Variants in ADNP observed in about 807,000 individuals in gnomAD.
ADNP encodes the protein activity dependent neuroprotector homeobox, also known as activity-dependent neuroprotector homeobox protein.
A neutral mutation model predicts 84.9 loss-of-function variants in ADNP; 4 were observed. That is an observed-to-expected ratio of 0.05 (90% CI 0.02 to 0.11). ADNP has a LOEUF of 0.11. ADNP is among the 10% of genes least tolerant of loss of function. The pLI is 1.00. For synonymous variants in ADNP, 554 were observed against 468.1 expected (o/e 1.18, Z -2.37); for missense variants, 1,132 against 1,326.0 (o/e 0.85, Z 2.27).
chr20:50,896,281 T>C (rs1320786329), intron 5 of ADNP, among the ~76,000 whole-genome samples: 1 of 151,922 alleles, frequency 6.6e-6, no homozygotes, highest in Admixed American at 6.6e-5. Flanking sequence ...AAAAATATTT[T>C]CTATCTTCAT....
Position 50,889,883 on chromosome 20 carries a change from A to G in ADNP, c.*1522T>C, listed in dbSNP as rs927876364. 6 of 398,472 alleles carry G rather than the reference A, an allele frequency of 1.5e-5. No individual in the cohort carries two copies. The highest frequency in any genetic ancestry group is 1.2e-4 in the African/African-American group (6 of 48,620). 24.7% of individuals were successfully genotyped at this position (398,472 alleles called of 1,614,324 possible). Reference sequence around the variant, plus strand: ...TTCCCTTAATAGCAAGAGGGCCAAGAGTGGCAAATAGAGGCAGAGCCGCCT... The same window carrying G: ...TTCCCTTAATAGCAAGAGGGCCAAGGGTGGCAAATAGAGGCAGAGCCGCCT... On this transcript the variant is annotated 3_prime_UTR_variant, in exon 6 of 6. Coordinates refer to ENST00000621696, the MANE Select transcript of ADNP (RefSeq NM_001282531.3).
rs1217269598 is a variant in ADNP at position 50,930,602 on chromosome 20, G to A, written c.-265+224C>T. On this transcript the variant is annotated intron_variant, in intron 1 of 5. Transcript: ENST00000621696. ...AGAAGGGGGTCGGGCTGCAGGAGGA[G>A]GCGCCTGGACCTCCGGAGCAGAGTC... 3.9e-5 allele frequency among the ~76,000 whole-genome samples: 6 copies of A among 152,264 alleles called. No homozygotes were observed. The East Asian group carries it at 7.7e-4, about 20-fold the overall frequency.
At chr20:50,924,325 C>T (rs747733976) in intron 2 of ADNP, among the ~76,000 whole-genome samples, 4 of 152,232 alleles carry the variant, frequency 2.6e-5, no homozygotes, top group Non-Finnish European at 5.9e-5. Flanking sequence ...ACTCTCCCTG[C>T]TGGGGGTGTG....
At chr20:50,916,076 T>G (rs1568737530) in intron 2 of ADNP, among the ~76,000 whole-genome samples, 1 of 152,226 alleles carries the variant, frequency 6.6e-6, no homozygotes, top group Non-Finnish European at 1.5e-5. Context: ...CTGATTTTCT[T>G]CAAGTTTTTA....
At chr20:50,921,094 G>A (rs985211881) in intron 2 of ADNP, among the ~76,000 whole-genome samples, 1 of 152,172 alleles carries the variant, frequency 6.6e-6, no homozygotes, top group Non-Finnish European at 1.5e-5. Context: ...AGGATTAAAT[G>A]AGATGATGCA....
rs1351581725 is a variant in ADNP at position 50,893,406 on chromosome 20, G to C, written c.1308C>G (p.Pro436=). ...TTTGAGTTGAGGAAGTGTTACCTGG[G>C]GGAGGGCCTGTGGCAGCTGCAGCAG... is the stretch of plus-strand genomic sequence containing the variant. The part of the protein sequence containing the change: ...SKPAAAATGP[P]PGNTSSTQKW... The change falls in exon 6 of 6, where the codon CCC becomes CCG. Residue 436 remains proline (P), a synonymous_variant. Transcript: ENST00000621696. The surrounding 1 kb of genome is among the most constrained non-coding windows in gnomAD (Gnocchi z 4.4). The C allele has an allele frequency of 6.2e-7, 1 of 1,614,160 alleles. No individual in the cohort carries two copies. Among genetic ancestry groups the C allele is most frequent in the Admixed American group, 1.7e-5 (1 of 60,020 alleles).
intron 2 of ADNP, among the ~76,000 whole-genome samples, chr20:50,911,820 T>C (rs1023679549): frequency 6.6e-6 from 1 of 151,926 alleles, no homozygotes; most frequent in African/African-American, 2.4e-5. Flanking sequence ...CAGCTACCTC[T>C]GAACAGGCAC....
intron 2 of ADNP, chr20:50,905,552 T>A (rs1402325979): frequency 1.3e-5 from 2 of 151,750 alleles, no homozygotes; most frequent in Non-Finnish European, 2.9e-5. Context: ...AATCAAAGAG[T>A]AACCCCTAGA....
chr20:50,891,920 C>G lies in ADNP; in HGVS notation c.2794G>C (p.Asp932His). 1 of 1,614,194 alleles carries G rather than the reference C, an allele frequency of 6.2e-7. No individual in the cohort carries two copies. The highest frequency in any genetic ancestry group is 8.5e-7 in the Non-Finnish European group (1 of 1,180,046). Residue 932 changes from aspartate (D) to histidine (H), a missense_variant, in exon 6 of 6, where the codon GAT becomes CAT. Asp to His is a moderately conservative substitution (Grantham distance 81, BLOSUM62 -1). This residue lies in a region of ADNP where 381 missense variants were observed against 319.9 expected (regional missense o/e 1.19). Coordinates refer to ENST00000621696, the MANE Select transcript of ADNP (RefSeq NM_001282531.3). ...ESEEKLDQKE[D>H]GSKYETIHLT... The stretch of plus-strand genomic sequence containing the variant: ...TGAATAGTTTCGTATTTTGAACCAT[C>G]CTCTTTTTGGTCTAGCTTCTCCTCA...
At position 50,891,518 on chromosome 20, in the gene ADNP, T is replaced by C; in HGVS notation, c.3196A>G (p.Asn1066Asp). Residue 1066 changes from asparagine to aspartate, a missense_variant, in exon 6 of 6, where the codon AAT (asparagine) becomes GAT (aspartate). Physicochemically the swap from Asn to Asp is conservative, Grantham distance 23 (BLOSUM62 1). Coordinates refer to ENST00000621696, the MANE Select transcript of ADNP (RefSeq NM_001282531.3). ...CCATCCTCACTGTCAATTGTGCTATTCTGCCACTCAATCTGGGGGTTAGAT... is the reference window on the plus strand; with the variant it reads ...CCATCCTCACTGTCAATTGTGCTATCCTGCCACTCAATCTGGGGGTTAGAT... Reference protein sequence around the residue: ...RLSNPQIEWQNSTIDSEDGEQ... With the variant: ...RLSNPQIEWQDSTIDSEDGEQ... The C allele has an allele frequency of 6.2e-7, 1 of 1,612,250 alleles. No individual in the cohort carries two copies. The highest frequency in any genetic ancestry group is 8.5e-7 in the Non-Finnish European group (1 of 1,180,024).
At chr20:50,912,740 TA>T (rs1268350386) in intron 2 of ADNP, among the ~76,000 whole-genome samples, 6 of 152,184 alleles carry the variant, frequency 3.9e-5, no homozygotes, top group Non-Finnish European at 8.8e-5. Context: ...CTTCACCAAT[TA>T]TTATTAGTCT....
chr20:50,918,879 G>A (rs1300261885), intron 2 of ADNP, among the ~76,000 whole-genome samples: 2 of 152,184 alleles, frequency 1.3e-5, no homozygotes, highest in Non-Finnish European at 2.9e-5. Context: ...TCATGCTGGT[G>A]TAGTTCATTT....
intron 2 of ADNP, among the ~76,000 whole-genome samples, chr20:50,925,452 G>C (rs1008954124): frequency 5.9e-5 from 9 of 152,190 alleles, no homozygotes; most frequent in African/African-American, 2.2e-4. Flanking sequence ...GGTGTAGGGA[G>C]TACTAAGACA....
chr20:50,924,455 C>CAAG (rs1421122898), intron 2 of ADNP, among the ~76,000 whole-genome samples: 2 of 152,178 alleles, frequency 1.3e-5, no homozygotes, highest in African/African-American at 4.8e-5. Context: ...AAACAGCTTA[C>CAAG]AAGAGCACCA....
chr20:50,906,676 C>T (rs567916143), intron 2 of ADNP, among the ~76,000 whole-genome samples: 25 of 152,246 alleles, frequency 1.6e-4, no homozygotes, highest in Admixed American at 1.0e-3. Flanking sequence ...CTTAAAAAGT[C>T]GGTTTAAGAC....
intron 5 of ADNP, among the ~76,000 whole-genome samples, chr20:50,900,327 G>C (rs1305622422): frequency 6.6e-6 from 1 of 152,158 alleles, no homozygotes; most frequent in East Asian, 1.9e-4. Flanking sequence ...ATATAGCGTA[G>C]GGGTAATAGG....
chr20:50,891,691 C>T lies in ADNP; in HGVS notation c.3023G>A (p.Ser1008Asn), dbSNP rs1308553457. The change falls in exon 6 of 6, where the codon AGC becomes AAC. Residue 1008 changes from serine to asparagine, a missense_variant. Ser to Asn is a conservative substitution (Grantham distance 46, BLOSUM62 1). Around this residue, in one of 10 missense-constraint regions of ADNP, gnomAD observed 381 missense variants for 319.9 expected, o/e 1.19. Coordinates refer to ENST00000621696, the MANE Select transcript of ADNP (RefSeq NM_001282531.3). ...DESSQSEDAR[S>N]SKPAAKKKAT... ...CTTTTTTTTGGCAGCTGGCTTACTG[C>T]TCCTTGCATCTTCGCTTTGGGAAGA... The T allele has an allele frequency of 6.2e-7, 1 of 1,614,214 alleles. No individual in the cohort carries two copies. The highest frequency in any genetic ancestry group is 1.3e-5 in the African/African-American group (1 of 75,064).
chr20:50,901,950 G>A (rs1246460705), intron 5 of ADNP, 67 bp downstream of exon 5: 9 of 1,178,136 alleles, frequency 7.6e-6, no homozygotes, highest in Non-Finnish European at 1.1e-5. Context: ...CGCTATAAAA[G>A]GCCTAGAGCT....
At position 50,893,717 on chromosome 20, in the gene ADNP, C is replaced by T. The variant is rs751126097; in HGVS notation, c.997G>A (p.Gly333Arg). Residue 333 changes from glycine to arginine, a missense_variant, in exon 6 of 6, where the codon GGA becomes AGA. Transcript: ENST00000621696. The surrounding 1 kb of genome is among the most constrained non-coding windows in gnomAD (Gnocchi z 4.4). The part of the protein sequence containing the change: ...SSVHLQQNNY[G>R]VKSVGQGYSV... Reference sequence around the variant, plus strand: ...TAACCCTGGCCTACAGATTTGACTCCATAGTTGTTCTGCTGCAGATGAACA... The same window carrying T: ...TAACCCTGGCCTACAGATTTGACTCTATAGTTGTTCTGCTGCAGATGAACA... 1.2e-6 allele frequency: 2 copies of T among 1,614,102 alleles called. No individual in the cohort carries two copies. Among genetic ancestry groups the T allele is most frequent in the Admixed American group, 3.3e-5 (2 of 60,022 alleles).
Sources: allele counts gnomAD v4.1 joint callset (sites outside exome capture counted in the v4.1 genomes callset), GRCh38; gene constraint gnomAD v4.1.1; regional missense constraint gnomAD v4.1.1; non-coding constraint Gnocchi (gnomAD v3.1); transcripts MANE v1.5; gene names NCBI Gene and HGNC (gene_info 2026-07-23, HGNC 2026-07-21).